DOCK9: variants seen among roughly 807,000 people sequenced by gnomAD.
DOCK9 encodes dedicator of cytokinesis 9.
DOCK9 carries 89 observed loss-of-function variants against 263.3 expected under a neutral mutation model. The observed-to-expected ratio is 0.34, with a 90% CI of 0.28 to 0.40. DOCK9 has a LOEUF of 0.40. DOCK9 is among the 10% of genes least tolerant of loss of function. The probability of loss-of-function intolerance (pLI) is 1.00; values close to 1 mark genes in which losing one functional copy is unlikely to be tolerated. For synonymous variants in DOCK9, 976 were observed against 973.1 expected, an observed-to-expected ratio of 1.00 and a Z score of -0.06; for missense variants, 2,140 against 2,603.4, an observed-to-expected ratio of 0.82 and a Z score of 3.87.
chr13:99,013,026 T>C (rs965004294), intron 1 of DOCK9, among the ~76,000 whole-genome samples: 5 of 152,198 alleles, frequency 3.3e-5, no homozygotes, highest in African/African-American at 1.2e-4. Flanking sequence ...GAGCATTTAC[T>C]ATAGAGCCAG....
At chr13:98,802,542 A>G (rs954219692) in intron 49 of DOCK9, among the ~76,000 whole-genome samples, 6 of 152,236 alleles carry the variant, frequency 3.9e-5, no homozygotes, top group Non-Finnish European at 8.8e-5. Context: ...AGACTCTGGA[A>G]TAGTGACTGG....
At chr13:98,806,668 G>A (rs1405969879) in intron 48 of DOCK9, among the ~76,000 whole-genome samples, 2 of 152,148 alleles carry the variant, frequency 1.3e-5, no homozygotes, top group African/African-American at 4.8e-5. Flanking sequence ...TAGCACTTTG[G>A]GAGGCCGAGG....
At chr13:98,880,517 A>G in intron 26 of DOCK9, 30 bp downstream of exon 26, 1 of 1,613,400 alleles carries the variant, frequency 6.2e-7, no homozygotes, top group South Asian at 1.1e-5. Flanking sequence ...ATCAGTTTCA[A>G]TCAGAGCCAC....
chr13:99,070,706 T>A (rs1010850991), intron 1 of DOCK9, among the ~76,000 whole-genome samples: 2 of 152,216 alleles, frequency 1.3e-5, no homozygotes, highest in African/African-American at 4.8e-5. Flanking sequence ...GCAGAACTAG[T>A]AGATGAAGAG....
upstream of DOCK9, among the ~76,000 whole-genome samples, chr13:98,980,060 C>G (rs1283207979): frequency 1.3e-5 from 2 of 152,206 alleles, no homozygotes; most frequent in Non-Finnish European, 1.5e-5. Flanking sequence ...GGGTCTTGCT[C>G]TGTAGTCCAG....
chr13:98,993,885 C>T (rs1422253543), intron 1 of DOCK9, among the ~76,000 whole-genome samples: 3 of 151,952 alleles, frequency 2.0e-5, no homozygotes, highest in Non-Finnish European at 4.4e-5. Flanking sequence ...GTTGAAAATT[C>T]AAGGAAGTAA....
intron 4 of DOCK9, among the ~76,000 whole-genome samples, chr13:98,923,736 C>A (rs1465441128): frequency 6.6e-6 from 1 of 152,168 alleles, no homozygotes; most frequent in Non-Finnish European, 1.5e-5. Context: ...AACCGATTAA[C>A]AATGATGGTA....
rs760220432 is a variant in DOCK9 at position 98,955,501 on chromosome 13, C to T, written c.177G>A (p.Gln59=). 6 of 1,600,092 alleles carry T rather than the reference C, an allele frequency of 3.7e-6. No individual in the cohort carries two copies. In the South Asian group the frequency reaches 5.7e-5, roughly 15 times the overall value. Residue 59 remains glutamine, a synonymous_variant, in exon 2 of 53, where the codon CAG becomes CAA. Transcript: ENST00000682017. ...EPLDYENVIV[Q]KKTQILNDCL... The stretch of plus-strand genomic sequence containing the variant: ...AGTCGTTCAGGATCTGAGTCTTCTT[C>T]TGGACGATGACATTTTCATAGTCGA...
At chr13:98,834,456 T>G (rs961626148) in intron 39 of DOCK9, 2 of 152,234 alleles carry the variant, frequency 1.3e-5, no homozygotes, top group Non-Finnish European at 2.9e-5. Context: ...GATCACAAGC[T>G]GCCTCGCAAG....
intron 1 of DOCK9, among the ~76,000 whole-genome samples, chr13:99,000,351 G>C (rs181905545): frequency 6.6e-6 from 1 of 152,274 alleles, no homozygotes; most frequent in East Asian, 1.9e-4. Flanking sequence ...CAAGGCCCCA[G>C]GATGTTAGGA....
intron 48 of DOCK9, among the ~76,000 whole-genome samples, chr13:98,805,772 T>C (rs1346593396): frequency 1.3e-5 from 2 of 152,200 alleles, no homozygotes; most frequent in Non-Finnish European, 2.9e-5. Context: ...TTATTTTATT[T>C]TTTTTTGAGA....
At chr13:98,977,734 G>C in intron 1 of DOCK9, 50 bp downstream of exon 1, 2 of 1,583,516 alleles carry the variant, frequency 1.3e-6, no homozygotes, top group Non-Finnish European at 1.7e-6. Flanking sequence ...CGCACAATAA[G>C]AACCCAGCAT....
intron 39 of DOCK9, chr13:98,832,064 T>G (rs1175495152): frequency 1.4e-5 from 5 of 350,050 alleles, no homozygotes; most frequent in Non-Finnish European, 2.6e-5. Flanking sequence ...TAATATGTAC[T>G]CATTTTTACT....
chr13:98,804,892 T>C, intron 49 of DOCK9, 107 bp downstream of exon 49: 2 of 1,152,782 alleles, frequency 1.7e-6, no homozygotes, highest in Admixed American at 2.2e-5. Flanking sequence ...TGGGGGTGGC[T>C]AACTGAGCTC....
At chr13:98,887,967 G>C (rs1465327866) in intron 18 of DOCK9, among the ~76,000 whole-genome samples, 191 bp downstream of exon 18, 1 of 152,092 alleles carries the variant, frequency 6.6e-6, no homozygotes, top group Non-Finnish European at 1.5e-5. Flanking sequence ...AGTCAATTAG[G>C]AGCCAGAACC....
intron 1 of DOCK9, among the ~76,000 whole-genome samples, chr13:98,973,333 T>C (rs1261922447): frequency 6.6e-6 from 1 of 152,146 alleles, no homozygotes; most frequent in Non-Finnish European, 1.5e-5. Flanking sequence ...CAAACAGAAC[T>C]TCAGGGATAG....
At chr13:98,801,582 C>T (rs1352931368) in intron 49 of DOCK9, among the ~76,000 whole-genome samples, 1 of 152,098 alleles carries the variant, frequency 6.6e-6, no homozygotes, top group African/African-American at 2.4e-5. Flanking sequence ...ACAGCAGGTT[C>T]TCATTTACTA....
In DOCK9 at chr13:99,011,021, C is replaced by CA. The variant is rs1235177609; in HGVS notation, c.130-55471_130-55470insT. ...CAAGTGACACTCCTGCCTCAGCCTCCTGAGTAGCTGGGATTACAGGCAGTG... is the reference window on the plus strand; with the variant it reads ...CAAGTGACACTCCTGCCTCAGCCTCCATGAGTAGCTGGGATTACAGGCAGTG... On this transcript the variant is annotated intron_variant, in intron 1 of 32. Coordinates refer to the DOCK9 transcript ENST00000427887. 1.1e-4 allele frequency among the ~76,000 whole-genome samples: 16 copies of CA among 152,328 alleles called. No individual in the cohort carries two copies. In the East Asian group the frequency reaches 3.1e-3, roughly 29 times the overall value.
intron 49 of DOCK9, among the ~76,000 whole-genome samples, chr13:98,801,150 G>A: frequency 6.6e-6 from 1 of 152,124 alleles, no homozygotes. Context: ...TTAGCTGAGT[G>A]TGGTGGTATA....
Sources: gnomAD v4.1 joint callset for allele counts (sites outside exome capture counted in the v4.1 genomes callset) on GRCh38, gnomAD v4.1.1 for gene constraint, MANE v1.5 for transcripts, NCBI Gene and HGNC (gene_info 2026-07-23, HGNC 2026-07-21) for gene names.